FAT3: variants seen among roughly 807,000 people sequenced by gnomAD.
FAT3 encodes the protein FAT atypical cadherin 3, also known as protocadherin Fat 3.
Under a neutral mutation model 310.2 loss-of-function variants are expected in FAT3, and 95 were observed. The observed-to-expected ratio is 0.31, with a 90% CI of 0.26 to 0.36. FAT3 has a LOEUF of 0.36. Among genes scored for constraint, FAT3 ranks in the 10% least tolerant of loss-of-function variants. The probability of loss-of-function intolerance (pLI) is 1.00; values close to 1 mark genes in which losing one functional copy is unlikely to be tolerated. For missense variants in FAT3, 5,408 were observed against 5,715.6 expected (o/e 0.95, Z 1.74); for synonymous variants, 2,314 against 2,192.9 (o/e 1.06, Z -1.54).
intron 3 of FAT3, among the ~76,000 whole-genome samples, chr11:92,689,463 C>A (rs558286769): frequency 6.6e-6 from 1 of 152,168 alleles, no homozygotes; most frequent in South Asian, 2.1e-4. Context: ...AGTATTGGTT[C>A]GCCATCTGTG....
At chr11:92,754,135 A>G (rs2136062402) in intron 4 of FAT3, among the ~76,000 whole-genome samples, 1 of 152,198 alleles carries the variant, frequency 6.6e-6, no homozygotes, top group South Asian at 2.1e-4. Context: ...ATATGGAAAT[A>G]TAATACTAAA....
chr11:92,655,553 GT>G (rs1942546825), intron 3 of FAT3, among the ~76,000 whole-genome samples: 1 of 152,086 alleles, frequency 6.6e-6, no homozygotes, highest in Non-Finnish European at 1.5e-5. Flanking sequence ...TGTGACTGTT[GT>G]TGTTTCTCTG....
chr11:92,231,779 T>A (rs1864190772), intron 1 of FAT3, among the ~76,000 whole-genome samples: 1 of 149,962 alleles, frequency 6.7e-6, no homozygotes, highest in Non-Finnish European at 1.5e-5. Context: ...GTGACAAATG[T>A]GCTTAATGAC....
intron 4 of FAT3, among the ~76,000 whole-genome samples, chr11:92,749,591 T>C (rs960687844): frequency 1.3e-5 from 2 of 152,170 alleles, no homozygotes; most frequent in Non-Finnish European, 2.9e-5. Context: ...GGAAAGGCAG[T>C]TTCCCTTTAT....
rs949091850 is a variant in FAT3 at position 92,854,326 on chromosome 11, T to A, written c.11366-2888T>A. On this transcript the variant is annotated intron_variant, in intron 19 of 27. Transcript: ENST00000525166. ...GTGGGGCTTCCTGGGCATCCAAGAG[T>A]GCAGGGATGCCCAGGTCCAGAGCTG... Among the ~76,000 whole-genome samples the A allele has an allele frequency of 3.9e-5, 6 of 152,062 alleles. No individual in the cohort carries two copies. The South Asian group carries it at 1.0e-3, about 26-fold the overall frequency.
chr11:92,492,359 G>T (rs1038996121), intron 2 of FAT3, among the ~76,000 whole-genome samples: 4 of 151,796 alleles, frequency 2.6e-5, no homozygotes, highest in African/African-American at 4.8e-5. Flanking sequence ...GCATTTGCTT[G>T]CTGTGTGACT....
At position 92,831,724 on chromosome 11, in the gene FAT3, G is replaced by A. The variant is rs199617592; in HGVS notation, c.9584G>A (p.Arg3195His). ...ATCATCCTGGAGCAGCCACTGGACC[G>A]TGAGCAGCAGTCTTCGTACAACATC... ...GIIILEQPLDREQQSSYNISV... is the reference protein window; with the variant it reads ...GIIILEQPLDHEQQSSYNISV... The change falls in exon 14 of 28, where the codon CGT becomes CAT. Residue 3195 changes from arginine (R) to histidine (H), a missense_variant. Arg to His is a conservative substitution (Grantham distance 29, BLOSUM62 0). Around this residue, in one of 5 missense-constraint regions of FAT3, gnomAD observed 4,588 missense variants for 4,809.8 expected, o/e 0.95. Coordinates refer to ENST00000525166, the MANE Select transcript of FAT3 (RefSeq NM_001367949.2). The A allele has an allele frequency of 4.5e-4, 734 of 1,613,370 alleles. 1 individual carries two copies. The highest frequency in any genetic ancestry group is 5.6e-4 in the Non-Finnish European group (664 of 1,179,752).
At chr11:92,382,543 T>C (rs557143866) in intron 2 of FAT3, among the ~76,000 whole-genome samples, 1 of 152,312 alleles carries the variant, frequency 6.6e-6, no homozygotes, top group South Asian at 2.1e-4. Flanking sequence ...AAGGTAGATC[T>C]GGAACATTCC....
At chr11:92,724,577 A>G (rs1399839393) in intron 4 of FAT3, among the ~76,000 whole-genome samples, 1 of 152,192 alleles carries the variant, frequency 6.6e-6, no homozygotes, top group African/African-American at 2.4e-5. Flanking sequence ...ATGTAGCTAA[A>G]TCTGGTTTTG....
intron 2 of FAT3, among the ~76,000 whole-genome samples, chr11:92,398,205 T>A (rs1300467738): frequency 6.6e-6 from 1 of 152,076 alleles, no homozygotes; most frequent in Non-Finnish European, 1.5e-5. Context: ...TCCCTCTGTG[T>A]GTGTCTGTCT....
intron 3 of FAT3, among the ~76,000 whole-genome samples, chr11:92,565,328 C>G (rs1955389919): frequency 6.8e-6 from 1 of 146,918 alleles, no homozygotes; most frequent in East Asian, 2.1e-4. Context: ...TCTCCCAAGA[C>G]TAAACCAGGA....
Position 92,353,705 on chromosome 11 carries a change from T to G in FAT3, c.1593T>G (p.Thr531=), listed in dbSNP as rs1948637758. The G allele has an allele frequency of 3.1e-6, 5 of 1,613,938 alleles. No individual in the cohort carries two copies. The highest frequency in any genetic ancestry group is 4.2e-6 in the Non-Finnish European group (5 of 1,179,864). ...INQFTGVIST[T]EELDFESSPE... is the part of the protein sequence containing the mutation. ...AGTTTACAGGTGTTATTAGCACAAC[T>G]GAAGAACTGGATTTTGAATCCTCCC... The change falls in exon 2 of 28, where the codon ACT becomes ACG. Residue 531 remains threonine (T), a synonymous_variant. Transcript: ENST00000525166.
intron 2 of FAT3, among the ~76,000 whole-genome samples, chr11:92,401,449 G>A (rs559079796): frequency 6.6e-6 from 1 of 152,272 alleles, no homozygotes; most frequent in Admixed American, 6.5e-5. Context: ...CCAGCTGGGA[G>A]ACGAGAATTT....
intron 1 of FAT3, among the ~76,000 whole-genome samples, chr11:92,265,450 G>A (rs1402921408): frequency 6.6e-6 from 1 of 151,804 alleles, no homozygotes; most frequent in African/African-American, 2.4e-5. Flanking sequence ...AGTCTCTGGG[G>A]AAGGCAAATG....
At chr11:92,807,678 G>A (rs1315149000) in intron 12 of FAT3, among the ~76,000 whole-genome samples, 1 of 152,112 alleles carries the variant, frequency 6.6e-6, no homozygotes, top group Admixed American at 6.5e-5. Context: ...TATTAACACA[G>A]TTGTCTAGTT....
At chr11:92,673,696 A>G (rs574616) in intron 3 of FAT3, among the ~76,000 whole-genome samples, 23,967 of 152,050 alleles carry the variant, frequency 0.16, 2,060 homozygotes, top group African/African-American at 0.2. Context: ...TTTCTTAGCT[A>G]TGACATGATC....
intron 2 of FAT3, among the ~76,000 whole-genome samples, chr11:92,357,868 T>C (rs947654401): frequency 6.6e-6 from 1 of 151,826 alleles, no homozygotes; most frequent in African/African-American, 2.4e-5. Context: ...ATTATATATA[T>C]ATTAAAAAAA....
chr11:92,284,849 G>A (rs1323952327), intron 1 of FAT3, among the ~76,000 whole-genome samples: 3 of 152,154 alleles, frequency 2.0e-5, no homozygotes, highest in African/African-American at 7.2e-5. Context: ...GTGCTGGCAT[G>A]TGGAAGATCC....
At chr11:92,527,731 T>C (rs1453757553) in intron 3 of FAT3, among the ~76,000 whole-genome samples, 1 of 152,216 alleles carries the variant, frequency 6.6e-6, no homozygotes, top group Admixed American at 6.5e-5. Context: ...TGGCATTTCT[T>C]CCTGACTCTA....
Sources: allele counts gnomAD v4.1 joint callset (sites outside exome capture counted in the v4.1 genomes callset), GRCh38; gene constraint gnomAD v4.1.1; regional missense constraint gnomAD v4.1.1; transcripts MANE v1.5; gene names NCBI Gene and HGNC (gene_info 2026-07-23, HGNC 2026-07-21).